Variants in NOS1 observed in about 807,000 individuals in gnomAD.
The protein encoded by NOS1 is nitric oxide synthase 1, also known as NOS type I.
NOS1 carries 51 observed loss-of-function variants against 164.5 expected under a neutral mutation model. That is an observed-to-expected ratio of 0.31 (90% confidence interval 0.25 to 0.39). The LOEUF (loss-of-function observed/expected upper bound fraction) is 0.39, where lower values mean the gene tolerates loss of function less well. Among genes scored for constraint, NOS1 ranks in the 10% least tolerant of loss-of-function variants. The probability of loss-of-function intolerance (pLI) is 1.00; values close to 1 mark genes in which losing one functional copy is unlikely to be tolerated. For missense variants in NOS1, 1,362 were observed against 1,885.6 expected (o/e 0.72, Z 5.14); for synonymous variants, 719 against 745.8 (o/e 0.96, Z 0.59).
intron 2 of NOS1, among the ~76,000 whole-genome samples, chr12:117,321,363 C>T (rs1874910415): frequency 6.6e-6 from 1 of 152,154 alleles, no homozygotes; most frequent in Non-Finnish European, 1.5e-5. Flanking sequence ...CAGAGGTTCA[C>T]CATGGAATTC....
rs117665273 is a variant in NOS1, at chr12:117,211,399, C to T, written c.*3910G>A. 1.6e-5 allele frequency: 16 copies of T among 985,484 alleles called. No homozygotes were observed. Among genetic ancestry groups the T allele is most frequent in the Admixed American group, 6.1e-5 (1 of 16,264 alleles). The allele number at this position is 985,484 out of a possible 1,614,324, so 61.0% of individuals were successfully genotyped here. On this transcript the variant is annotated 3_prime_UTR_variant, in exon 29 of 29. Coordinates refer to ENST00000317775, the MANE Select transcript of NOS1 (RefSeq NM_000620.5). ...AGCCTTGGTTGCAGCAATAACCCCC[C>T]CAACAGCTCAACGGGCCATGCTCTG...
At chr12:117,343,406 C>T (rs1276952180) in intron 1 of NOS1, among the ~76,000 whole-genome samples, 3 of 152,108 alleles carry the variant, frequency 2.0e-5, no homozygotes, top group Non-Finnish European at 4.4e-5. Flanking sequence ...ATCAACATTT[C>T]CTAATAACGT....
chr12:117,208,714 C>T lies in NOS1; in HGVS notation c.*6595G>A. 1 of 1,014,246 alleles carries T rather than the reference C, an allele frequency of 9.9e-7. No individual in the cohort carries two copies. The highest frequency in any genetic ancestry group is 1.2e-6 in the Non-Finnish European group (1 of 852,624). The allele number at this position is 1,014,246 out of a possible 1,614,324, so 62.8% of individuals were successfully genotyped here. ...TTGAAACAGACTGCCATCCTCTGTTCTGGCATGGGAGGGCTTTTTTTTTTT... is the reference window on the plus strand; with the variant it reads ...TTGAAACAGACTGCCATCCTCTGTTTTGGCATGGGAGGGCTTTTTTTTTTT... On this transcript the variant is annotated 3_prime_UTR_variant, in exon 29 of 29. Transcript: ENST00000317775.
chr12:117,227,756 G>A lies in NOS1; in HGVS notation c.3406-115C>T, dbSNP rs1382986273. On this transcript the variant is annotated intron_variant, in intron 22 of 28. Coordinates refer to ENST00000317775, the MANE Select transcript of NOS1 (RefSeq NM_000620.5). Reference sequence around the variant, plus strand: ...ATAAAAGTAACAGTTGGCAGGTGCAGTGGCTCATGCTTGTAATTGCAGTGC... The same window carrying A: ...ATAAAAGTAACAGTTGGCAGGTGCAATGGCTCATGCTTGTAATTGCAGTGC... The A allele has an allele frequency of 1.3e-5, 12 of 938,846 alleles. No homozygotes were observed. The African/African-American group carries it at 1.8e-4, about 14-fold the overall frequency. The allele number at this position is 938,846 out of a possible 1,614,324, so 58.2% of individuals were successfully genotyped here. A position where few individuals can be genotyped will look rare whatever the true frequency, so the allele number is the denominator to read the frequency against.
intron 2 of NOS1, among the ~76,000 whole-genome samples, 185 bp from the exon 3 acceptor site, chr12:117,311,777 C>T (rs1174496107): frequency 1.3e-5 from 2 of 152,206 alleles, no homozygotes; most frequent in Non-Finnish European, 2.9e-5. Flanking sequence ...CGTGGGAAGG[C>T]AGCTCTGGGT....
rs750466476 is a variant in NOS1, at chr12:117,330,890, G to T, written c.180C>A (p.Ala60=). ...CGTTGACCGCAAGAATGATGTCTCC[G>T]GCCTGGATGAGGCCACTCTGCTCTG... ...GAAEQSGLIQ[A]GDIILAVNGR... Residue 60 remains alanine, a synonymous_variant, in exon 2 of 29, where the codon GCC becomes GCA. Coordinates refer to ENST00000317775, the MANE Select transcript of NOS1 (RefSeq NM_000620.5). The surrounding 1 kb of genome is among the most constrained non-coding windows in gnomAD (Gnocchi z 4.6). The T allele has an allele frequency of 6.2e-7, 1 of 1,614,126 alleles. No individual in the cohort carries two copies. Among genetic ancestry groups the T allele is most frequent in the South Asian group, 1.1e-5 (1 of 91,072 alleles).
chr12:117,243,519 C>T lies in NOS1; in HGVS notation c.2824-84G>A, dbSNP rs533318479. On this transcript the variant is annotated intron_variant, in intron 18 of 28. Coordinates refer to ENST00000317775, the MANE Select transcript of NOS1 (RefSeq NM_000620.5). This position sits in a 1 kb window ranked among gnomAD's most constrained non-coding sequence, Gnocchi z 4.3. ...CAGCTCCAAGTCATGGCATGTATCT[C>T]TTCATTCACCCATCCATCCATCTAT... The T allele has an allele frequency of 1.4e-6, 2 of 1,451,512 alleles. No homozygotes were observed. The highest frequency in any genetic ancestry group is 1.9e-5 in the Admixed American group (1 of 53,940). The allele number at this position is 1,451,512 out of a possible 1,614,324, so 89.9% of individuals were successfully genotyped here.
chr12:117,260,711 C>G, intron 13 of NOS1, 102 bp from the exon 14 acceptor site: 1 of 1,270,690 alleles, frequency 7.9e-7, no homozygotes. Flanking sequence ...TGAAATATAA[C>G]AGAAGAGAAC....
intron 20 of NOS1, among the ~76,000 whole-genome samples, chr12:117,238,721 T>C (rs1451177332): frequency 1.3e-5 from 2 of 152,140 alleles, no homozygotes; most frequent in Non-Finnish European, 2.9e-5. Flanking sequence ...TTCACCATGC[T>C]GGCCAGACTG....
chr12:117,324,312 A>G (rs1875132372), intron 2 of NOS1, among the ~76,000 whole-genome samples: 1 of 152,202 alleles, frequency 6.6e-6, no homozygotes, highest in Non-Finnish European at 1.5e-5. Flanking sequence ...GGGTTATCAG[A>G]GCAGGGCGAG....
chr12:117,323,889 C>T (rs1401455271), intron 2 of NOS1, among the ~76,000 whole-genome samples: 3 of 152,162 alleles, frequency 2.0e-5, no homozygotes, highest in Non-Finnish European at 2.9e-5. Context: ...TCAAGCGATT[C>T]TCCTGCCTCA....
intron 1 of NOS1, among the ~76,000 whole-genome samples, chr12:117,335,743 A>AGAGAGAGAGAGG (rs1875782768): frequency 7.0e-6 from 1 of 143,038 alleles, no homozygotes; most frequent in African/African-American, 2.8e-5. Context: ...AGAGAGAGAG[A>AGAGAGAGAGAGG]GAGAGAGAGA....
intron 22 of NOS1, among the ~76,000 whole-genome samples, chr12:117,231,088 G>T (rs1157863524): frequency 1.3e-5 from 2 of 152,080 alleles, no homozygotes; most frequent in Admixed American, 1.3e-4. Flanking sequence ...GCACTTTTGG[G>T]AGGCCGAGGT....
intron 3 of NOS1, among the ~76,000 whole-genome samples, chr12:117,298,009 G>A (rs1189037599): frequency 6.6e-6 from 1 of 152,038 alleles, no homozygotes; most frequent in Non-Finnish European, 1.5e-5. Flanking sequence ...ATTTTTCCAT[G>A]GACTGGTGGT....
chr12:117,278,882 T>C (rs1419084963), intron 8 of NOS1, among the ~76,000 whole-genome samples: 2 of 149,562 alleles, frequency 1.3e-5, no homozygotes, highest in African/African-American at 2.4e-5. Flanking sequence ...AAATTAAATA[T>C]GTAACACTTA....
At chr12:117,360,545 G>C (rs988611643) in intron 1 of NOS1, among the ~76,000 whole-genome samples, 13 of 152,250 alleles carry the variant, frequency 8.5e-5, no homozygotes, top group African/African-American at 3.1e-4. Context: ...ATCTCGCCCA[G>C]ACGGAAGAAG....
At chr12:117,261,178 C>CAAAAAAA (rs534260940) in intron 13 of NOS1, among the ~76,000 whole-genome samples, 2 of 77,266 alleles carry the variant, frequency 2.6e-5, no homozygotes, top group African/African-American at 9.1e-5. Flanking sequence ...GACTCTGCCT[C>CAAAAAAA]AAAAAAAAAA....
intron 13 of NOS1, 128 bp from the exon 14 acceptor site, chr12:117,260,737 T>A: frequency 1.0e-6 from 1 of 1,001,062 alleles, no homozygotes; most frequent in Non-Finnish European, 1.4e-6. Flanking sequence ...TGATCTTTGA[T>A]GGCTTCAGGG....
In NOS1 at chr12:117,356,623, G is replaced by A. The variant is rs576820853; in HGVS notation, c.-421+4889C>T. Among the ~76,000 whole-genome samples the A allele has an allele frequency of 6.6e-6, 1 of 152,334 alleles. No individual in the cohort carries two copies. Among genetic ancestry groups the A allele is most frequent in the Admixed American group, 6.5e-5 (1 of 15,298 alleles). Reference sequence around the variant, plus strand: ...GGCCTTGCCATTTAACACGTGTCATGACACATACAATAAATGTGCTGACGT... The same window carrying A: ...GGCCTTGCCATTTAACACGTGTCATAACACATACAATAAATGTGCTGACGT... On this transcript the variant is annotated intron_variant, in intron 1 of 28. Transcript: ENST00000317775. The surrounding 1 kb of genome is among the most constrained non-coding windows in gnomAD (Gnocchi z 4.2).
Sources: allele counts gnomAD v4.1 joint callset (sites outside exome capture counted in the v4.1 genomes callset), GRCh38; gene constraint gnomAD v4.1.1; non-coding constraint Gnocchi (gnomAD v3.1); transcripts MANE v1.5; gene names NCBI Gene and HGNC (gene_info 2026-07-23, HGNC 2026-07-21).